The following SACM1L variants were observed in gnomAD, a reference collection of about 807,000 sequenced individuals.
The protein encoded by SACM1L is SAC1 like phosphatidylinositide phosphatase, also known as phosphatidylinositol-3-phosphatase SAC1.
Under a neutral mutation model 89.5 loss-of-function variants are expected in SACM1L, and 32 were observed. The ratio of observed to expected loss-of-function variants is 0.36; its 90% CI spans 0.27 to 0.48. The LOEUF (loss-of-function observed/expected upper bound fraction) is 0.48. Ranked by LOEUF, SACM1L falls within the 20% of genes least tolerant of loss-of-function variation. The pLI, the probability that SACM1L is intolerant of heterozygous loss-of-function variation, is 0.99. For missense variants in SACM1L, 543 were observed against 708.5 expected (o/e 0.77, Z 2.65); for synonymous variants, 213 against 232.8 (o/e 0.92, Z 0.77).
In SACM1L at chr3:45,723,959, C is replaced by G. The variant is rs113147859; in HGVS notation, c.921+416C>G. Among the ~76,000 whole-genome samples the G allele has an allele frequency of 6.8e-3, 687 of 101,286 alleles. 5 individuals carry two copies. The highest frequency in any genetic ancestry group is 0.024 in the African/African-American group (647 of 27,276). The allele number at this position is 101,286 out of a possible 152,430, so 66.4% of individuals were successfully genotyped here. A position where few individuals can be genotyped will look rare whatever the true frequency, so the allele number is the denominator to read the frequency against. On this transcript the variant is annotated intron_variant, in intron 11 of 19. Transcript: ENST00000389061. ...ATGTGTATGCATATATGCACACACACACACAGACACACACACACACACACA... is the reference window on the plus strand; with the variant it reads ...ATGTGTATGCATATATGCACACACAGACACAGACACACACACACACACACA...
intron 5 of SACM1L, 47 bp from the exon 6 acceptor site, chr3:45,713,090 G>A (rs1490408055): frequency 6.7e-7 from 1 of 1,486,954 alleles, no homozygotes; most frequent in Non-Finnish European, 9.3e-7. Context: ...TCTGTAGAAA[G>A]TAAGCTTGGC....
At chr3:45,697,269 CTTTTTTTTT>C (rs869095037) in intron 1 of SACM1L, among the ~76,000 whole-genome samples, 3,853 of 92,244 alleles carry the variant, frequency 0.042, 253 homozygotes, top group African/African-American at 0.15. Context: ...TTTTCTTTTC[CTTTTTTTTT>C]TTTTTTTTTT....
chr3:45,691,384 G>A (rs1211880064), intron 1 of SACM1L, among the ~76,000 whole-genome samples: 1 of 152,100 alleles, frequency 6.6e-6, no homozygotes, highest in African/African-American at 2.4e-5. Context: ...GCTGTTGAAG[G>A]TTTTCAAATG....
rs113765350 is a variant in SACM1L, at chr3:45,696,741, A to G, written c.33-6697A>G. Among the ~76,000 whole-genome samples, 518 of 152,164 alleles carry G rather than the reference A, an allele frequency of 3.4e-3. 4 individuals carry two copies. Among genetic ancestry groups the G allele is most frequent in the African/African-American group, 0.011 (461 of 41,496 alleles). On this transcript the variant is annotated intron_variant, in intron 1 of 19. Coordinates refer to ENST00000389061, the MANE Select transcript of SACM1L (RefSeq NM_014016.5). ...TGTAGTGGGCCAGTTTTACTCATTG[A>G]TTTGACAGGATTTTAAAGAGATCAG...
intron 7 of SACM1L, 55 bp from the exon 8 acceptor site, chr3:45,719,445 A>G (rs1023002228): frequency 5.9e-6 from 6 of 1,024,604 alleles, no homozygotes; most frequent in African/African-American, 3.2e-5. Context: ...CAAACAATCT[A>G]GAAACAATGC....
chr3:45,708,096 CAAA>C (rs547180925), intron 4 of SACM1L, among the ~76,000 whole-genome samples: 8 of 150,830 alleles, frequency 5.3e-5, no homozygotes, highest in African/African-American at 9.7e-5. Flanking sequence ...AATGTTTTGA[CAAA>C]AAAAATTTTT....
intron 1 of SACM1L, among the ~76,000 whole-genome samples, chr3:45,692,140 A>G (rs1286190799): frequency 2.0e-5 from 3 of 152,138 alleles, no homozygotes; most frequent in African/African-American, 7.2e-5. Context: ...GGTCACATCC[A>G]TGGTAGAGCC....
chr3:45,733,002 T>C (rs909832391), intron 13 of SACM1L, among the ~76,000 whole-genome samples: 1 of 152,270 alleles, frequency 6.6e-6, no homozygotes, highest in Non-Finnish European at 1.5e-5. Context: ...CTGCTTTTTT[T>C]CTGTGACGTT....
chr3:45,728,569 A>G (rs77712116), intron 11 of SACM1L, among the ~76,000 whole-genome samples: 15 of 152,294 alleles, frequency 9.8e-5, no homozygotes, highest in African/African-American at 3.1e-4. Flanking sequence ...TAAAGCCTTC[A>G]TGCTTCCTTT....
At position 45,706,890 on chromosome 3, in the gene SACM1L, C is replaced by G. The variant is rs1487475123; in HGVS notation, c.316C>G (p.His106Asp). 5.0e-6 allele frequency: 8 copies of G among 1,613,204 alleles called. No individual in the cohort carries two copies. The highest frequency in any genetic ancestry group is 6.8e-6 in the Non-Finnish European group (8 of 1,179,490). Reference protein sequence around the residue: ...DVLSYKKTMLHLTDIQLQDNK... With the variant: ...DVLSYKKTMLDLTDIQLQDNK... The stretch of plus-strand genomic sequence containing the variant: ...CCTTTCTTATAAGAAGACAATGTTG[C>G]ACTTAACTGATATTCAGGTAAGAAC... The change falls in exon 4 of 20, where the codon CAC becomes GAC. Residue 106 changes from histidine to aspartate, a missense_variant. By Grantham distance (81) the His-to-Asp change is moderately conservative. This residue lies in a region of SACM1L where 173 missense variants were observed against 180.9 expected (regional missense o/e 0.96). Coordinates refer to ENST00000389061, the MANE Select transcript of SACM1L (RefSeq NM_014016.5).
intron 19 of SACM1L, among the ~76,000 whole-genome samples, chr3:45,741,129 G>A (rs1699304475): frequency 6.6e-6 from 1 of 152,166 alleles, no homozygotes; most frequent in South Asian, 2.1e-4. Context: ...TGAAAGAAGA[G>A]GCACCTTCCA....
At chr3:45,734,238 C>T (rs993881014) in intron 13 of SACM1L, among the ~76,000 whole-genome samples, 2 of 148,590 alleles carry the variant, frequency 1.3e-5, no homozygotes, top group Non-Finnish European at 3.0e-5. Flanking sequence ...CATGTCAAAA[C>T]CCTATCTGTA....
intron 16 of SACM1L, 33 bp from the exon 17 acceptor site, chr3:45,738,545 A>G: frequency 7.6e-7 from 1 of 1,323,750 alleles, no homozygotes; most frequent in Non-Finnish European, 1.1e-6. Flanking sequence ...CAGTGTACAA[A>G]CCTGTAACTT....
In SACM1L at chr3:45,734,113, A is replaced by ATTCT. The variant is rs777940758; in HGVS notation, c.1101-1120_1101-1119insCTTT. Reference sequence around the variant, plus strand: ...ATTTGCATGTATTACCCATTTAAGAATTTTTTTTTTTTTTTTTGGCTGGGG... The same window carrying ATTCT: ...ATTTGCATGTATTACCCATTTAAGAATTCTTTTTTTTTTTTTTTTTTGGCTGGGG... On this transcript the variant is annotated intron_variant, in intron 13 of 19. Coordinates refer to ENST00000389061, the MANE Select transcript of SACM1L (RefSeq NM_014016.5). Among the ~76,000 whole-genome samples, 9 of 132,092 alleles carry ATTCT rather than the reference A, an allele frequency of 6.8e-5. No homozygotes were observed. In the East Asian group the frequency reaches 1.5e-3, roughly 22 times the overall value. The allele number at this position is 132,092 out of a possible 152,430, so 86.7% of individuals were successfully genotyped here.
chr3:45,690,354 T>G (rs1426673522), intron 1 of SACM1L: 1 of 152,236 alleles, frequency 6.6e-6, no homozygotes, highest in African/African-American at 2.4e-5. Flanking sequence ...CTAGGCTGTT[T>G]GAAAATCTGG....
intron 1 of SACM1L, among the ~76,000 whole-genome samples, chr3:45,692,680 G>A (rs1698023654): frequency 6.6e-6 from 1 of 152,176 alleles, no homozygotes; most frequent in Admixed American, 6.5e-5. Flanking sequence ...TTCTTTCCAT[G>A]TCTTTTCCTT....
At chr3:45,735,694 G>A (rs1374752614) in intron 14 of SACM1L, among the ~76,000 whole-genome samples, 1 of 152,080 alleles carries the variant, frequency 6.6e-6, no homozygotes, top group East Asian at 1.9e-4. Context: ...ATCTGTATAT[G>A]TTATTATTAA....
chr3:45,704,234 G>T (rs1179184993), intron 2 of SACM1L, among the ~76,000 whole-genome samples: 1 of 152,046 alleles, frequency 6.6e-6, no homozygotes, highest in Admixed American at 6.6e-5. Context: ...CACCCCCAGA[G>T]TTCTATATTT....
In SACM1L at chr3:45,735,377, C is replaced by A; in HGVS notation, c.1239+4C>A. ...TTCACTTCAGGCCCAACTTCAGGTG[C>A]GAATGCTTTTTTTTTTTTTAATTGA... On this transcript the variant is annotated splice_donor_region_variant and intron_variant, in intron 14 of 19. Transcript: ENST00000389061. 3 of 1,480,178 alleles carry A rather than the reference C, an allele frequency of 2.0e-6. No homozygotes were observed. Among genetic ancestry groups the A allele is most frequent in the South Asian group, 1.4e-5 (1 of 72,000 alleles). The allele number at this position is 1,480,178 out of a possible 1,614,324, so 91.7% of individuals were successfully genotyped here.
Sources: allele counts gnomAD v4.1 joint callset (sites outside exome capture counted in the v4.1 genomes callset), GRCh38; gene constraint gnomAD v4.1.1; regional missense constraint gnomAD v4.1.1; transcripts MANE v1.5; gene names NCBI Gene and HGNC (gene_info 2026-07-23, HGNC 2026-07-21).